The following GSE1 variants were observed in gnomAD, a reference collection of about 807,000 sequenced individuals.
GSE1 encodes genetic suppressor element 1.
A neutral mutation model predicts 112.6 loss-of-function variants in GSE1; 32 were observed. That is an observed-to-expected ratio of 0.28 (90% CI 0.21 to 0.38). The LOEUF (loss-of-function observed/expected upper bound fraction) is 0.38. Ranked by LOEUF, GSE1 falls within the 10% of genes least tolerant of loss-of-function variation. The pLI is 1.00. For missense variants in GSE1, 2,348 were observed against 1,699.2 expected (o/e 1.38, Z -6.71); for synonymous variants, 1,115 against 735.6 (o/e 1.52, Z -8.35).
At chr16:85,517,138 C>A (rs1567553599) in intron 2 of GSE1, among the ~76,000 whole-genome samples, 1 of 152,112 alleles carries the variant, frequency 6.6e-6, no homozygotes, top group African/African-American at 2.4e-5. Flanking sequence ...GGGGCTTCTG[C>A]CTTCGTTGTG....
chr16:85,415,781 C>T (rs1408967183), intron 2 of GSE1, among the ~76,000 whole-genome samples: 1 of 152,194 alleles, frequency 6.6e-6, no homozygotes, highest in African/African-American at 2.4e-5. Context: ...CTGGCAGTGA[C>T]AGTTTTATTG....
intron 1 of GSE1, among the ~76,000 whole-genome samples, chr16:85,560,700 A>T (rs898897307): frequency 2.0e-5 from 3 of 151,928 alleles, no homozygotes; most frequent in African/African-American, 7.3e-5. Context: ...CTTCCTCTGT[A>T]TGTATGTATG....
intron 2 of GSE1, among the ~76,000 whole-genome samples, chr16:85,362,950 C>T (rs1351875056): frequency 6.6e-6 from 1 of 151,686 alleles, no homozygotes; most frequent in African/African-American, 2.4e-5. Flanking sequence ...ATTCTCCCAC[C>T]TCAGCCTCCC....
chr16:85,202,835 G>C (rs192292895), intron 1 of GSE1, among the ~76,000 whole-genome samples: 10 of 152,354 alleles, frequency 6.6e-5, no homozygotes, highest in African/African-American at 2.4e-4. Context: ...GGGGAGCGGA[G>C]GCTGGGGATT....
intron 2 of GSE1, among the ~76,000 whole-genome samples, chr16:85,379,161 C>T (rs111231740): frequency 8.5e-4 from 130 of 152,320 alleles, no homozygotes; most frequent in Middle Eastern, 3.4e-3. Context: ...ACCTCTTCCT[C>T]GATGGCTGCC....
intron 1 of GSE1, chr16:85,579,903 A>G (rs967568227): frequency 6.6e-6 from 1 of 152,220 alleles, no homozygotes; most frequent in Non-Finnish European, 1.5e-5. Context: ...ACTACACACT[A>G]GTCACTAAGG....
intron 2 of GSE1, among the ~76,000 whole-genome samples, chr16:85,510,558 G>C (rs1450774242): frequency 6.6e-6 from 1 of 152,214 alleles, no homozygotes; most frequent in Non-Finnish European, 1.5e-5. Context: ...CCTCAGCAGG[G>C]GCCGGGGCTG....
At chr16:85,496,653 C>G (rs955506400) in intron 2 of GSE1, among the ~76,000 whole-genome samples, 1 of 152,172 alleles carries the variant, frequency 6.6e-6, no homozygotes, top group Non-Finnish European at 1.5e-5. Context: ...CATGCTGTCA[C>G]GACATATAGA....
intron 2 of GSE1, among the ~76,000 whole-genome samples, chr16:85,387,651 C>G (rs1268288961): frequency 6.6e-6 from 1 of 152,246 alleles, no homozygotes; most frequent in Admixed American, 6.5e-5. Flanking sequence ...CCAAAACTGT[C>G]TTGTTCATTG....
intron 2 of GSE1, among the ~76,000 whole-genome samples, chr16:85,425,559 C>A (rs1360987921): frequency 6.6e-6 from 1 of 152,202 alleles, no homozygotes; most frequent in Non-Finnish European, 1.5e-5. Flanking sequence ...CACACCGATG[C>A]ACGCTTTGGC....
At chr16:85,660,290 G>T (rs1250022668) in intron 8 of GSE1, among the ~76,000 whole-genome samples, 2 of 152,218 alleles carry the variant, frequency 1.3e-5, no homozygotes, top group African/African-American at 4.8e-5. Context: ...TTCCCTAGCA[G>T]CTTAGGCTGG....
intron 1 of GSE1, among the ~76,000 whole-genome samples, chr16:85,258,740 C>T (rs1348145560): frequency 6.6e-6 from 1 of 152,200 alleles, no homozygotes; most frequent in Non-Finnish European, 1.5e-5. Context: ...ACCATGCACT[C>T]CTCCAGGAGG....
intron 1 of GSE1, among the ~76,000 whole-genome samples, chr16:85,175,706 C>T (rs529972129): frequency 2.0e-5 from 3 of 152,286 alleles, no homozygotes; most frequent in Admixed American, 6.5e-5. Flanking sequence ...ATGTTGGGGG[C>T]GGCATTTGGG....
At chr16:85,475,149 C>T (rs1238343778) in intron 2 of GSE1, among the ~76,000 whole-genome samples, 2 of 152,364 alleles carry the variant, frequency 1.3e-5, no homozygotes, top group East Asian at 3.9e-4. Context: ...CTTCCTGCCC[C>T]TCTCAGACAA....
intron 1 of GSE1, among the ~76,000 whole-genome samples, chr16:85,346,855 G>A (rs1597452072): frequency 3.3e-5 from 5 of 151,512 alleles, no homozygotes; most frequent in African/African-American, 7.3e-5. Flanking sequence ...CAGGTGGATG[G>A]GTGATGGACA....
chr16:85,633,067 C>T (rs1043261452), intron 1 of GSE1, among the ~76,000 whole-genome samples: 1 of 152,232 alleles, frequency 6.6e-6, no homozygotes, highest in African/African-American at 2.4e-5. Flanking sequence ...TCAGCCGTTG[C>T]TGCGCCAGGT....
intron 1 of GSE1, among the ~76,000 whole-genome samples, chr16:85,596,027 T>C (rs1458851647): frequency 7.3e-6 from 1 of 137,126 alleles, no homozygotes; most frequent in East Asian, 2.4e-4. Context: ...TGCCCACCCA[T>C]CCATCTACCC....
At chr16:85,287,280 C>A (rs868575179) in intron 1 of GSE1, among the ~76,000 whole-genome samples, 1 of 152,224 alleles carries the variant, frequency 6.6e-6, no homozygotes, top group African/African-American at 2.4e-5. Flanking sequence ...GCCTTTCGGG[C>A]TGACGCATGG....
At chr16:85,626,882 C>A (rs117015603) in intron 1 of GSE1, among the ~76,000 whole-genome samples, 1 of 151,790 alleles carries the variant, frequency 6.6e-6, no homozygotes, top group Non-Finnish European at 1.5e-5. Context: ...GAGGCCTCCC[C>A]CCTCGTTTAA....
Sources: gnomAD v4.1 joint callset for allele counts (sites outside exome capture counted in the v4.1 genomes callset) on GRCh38, gnomAD v4.1.1 for gene constraint, MANE v1.5 for transcripts, NCBI Gene and HGNC (gene_info 2026-07-23, HGNC 2026-07-21) for gene names.